The following BBS4 variants were observed in gnomAD, a reference collection of about 807,000 sequenced individuals.
BBS4 encodes BBSome complex member BBS4.
In BBS4, 58 loss-of-function variants were observed where a neutral mutation model predicts 71.4. The ratio of observed to expected loss-of-function variants is 0.81; its 90% CI spans 0.66 to 1.01. The LOEUF (loss-of-function observed/expected upper bound fraction) is 1.01, where lower values mean the gene tolerates loss of function less well. Ranked by LOEUF, BBS4 falls within the 50% of genes least tolerant of loss-of-function variation. The probability of loss-of-function intolerance (pLI) is 0.00; values close to 1 mark genes in which losing one functional copy is unlikely to be tolerated. For synonymous variants in BBS4, 228 were observed against 216.8 expected (o/e 1.05, Z -0.46); for missense variants, 660 against 607.9 (o/e 1.09, Z -0.90).
At position 72,731,474 on chromosome 15, in the gene BBS4, GTTCT is replaced by G. The variant is rs758587426; in HGVS notation, c.864+20_864+23del. The G allele has an allele frequency of 2.4e-5, 39 of 1,614,048 alleles. No individual in the cohort carries two copies. The highest frequency in any genetic ancestry group is 3.0e-5 in the Non-Finnish European group (35 of 1,180,038). ...TATGTGGCGGTGAGTGTCCCCTCATGTTCTTTGTTTGTATTTCTACATGTGGTTA... is the reference window on the plus strand; with the variant it reads ...TATGTGGCGGTGAGTGTCCCCTCATGTTGTTTGTATTTCTACATGTGGTTA... On this transcript the variant is annotated intron_variant, in intron 11 of 15. Coordinates refer to ENST00000268057, the MANE Select transcript of BBS4 (RefSeq NM_033028.5).
intron 2 of BBS4, among the ~76,000 whole-genome samples, chr15:72,698,969 A>T (rs895945276): frequency 2.6e-5 from 4 of 152,198 alleles, no homozygotes; most frequent in African/African-American, 9.7e-5. Context: ...ACAGTCTTTG[A>T]TAAGTAGTTA....
chr15:72,715,806 C>T (rs2065458557), intron 5 of BBS4, among the ~76,000 whole-genome samples: 2 of 152,206 alleles, frequency 1.3e-5, no homozygotes, highest in Non-Finnish European at 2.9e-5. Context: ...GATGGTTCAA[C>T]TTACATAATT....
intron 2 of BBS4, among the ~76,000 whole-genome samples, chr15:72,709,270 G>C (rs1037841180): frequency 6.6e-6 from 1 of 152,158 alleles, no homozygotes; most frequent in African/African-American, 2.4e-5. Context: ...GCCGGCTGAC[G>C]CTTATAGAAA....
At chr15:72,710,789 G>GTT (rs778363835) in intron 3 of BBS4, among the ~76,000 whole-genome samples, 3 of 146,592 alleles carry the variant, frequency 2.0e-5, no homozygotes, top group South Asian at 2.2e-4. Flanking sequence ...ATTCATACCA[G>GTT]TTTTTTTTTT....
chr15:72,689,605 C>T (rs907036475), intron 1 of BBS4, among the ~76,000 whole-genome samples: 7 of 151,906 alleles, frequency 4.6e-5, no homozygotes, highest in African/African-American at 4.8e-5. Flanking sequence ...TGGTGGCACG[C>T]GCCTGTCTTC....
intron 12 of BBS4, among the ~76,000 whole-genome samples, chr15:72,734,104 G>A (rs867025371): frequency 6.6e-6 from 1 of 152,102 alleles, no homozygotes; most frequent in Non-Finnish European, 1.5e-5. Context: ...ATTTTAATGG[G>A]ATTGTATTCT....
At chr15:72,731,982 T>C (rs1242590504) in intron 12 of BBS4, among the ~76,000 whole-genome samples, 1 of 152,150 alleles carries the variant, frequency 6.6e-6, no homozygotes, top group Non-Finnish European at 1.5e-5. Flanking sequence ...TTTACCAGTT[T>C]TTTCCTCTTG....
chr15:72,721,945 C>T (rs1158055235), intron 6 of BBS4, among the ~76,000 whole-genome samples: 1 of 152,232 alleles, frequency 6.6e-6, no homozygotes. Context: ...AACGCTTCAG[C>T]ATCCAAGGTA....
At position 72,736,765 on chromosome 15, in the gene BBS4, G is replaced by A; in HGVS notation, c.1252G>A (p.Val418Met). 1 of 1,614,164 alleles carries A rather than the reference G, an allele frequency of 6.2e-7. No homozygotes were observed. Among genetic ancestry groups the A allele is most frequent in the East Asian group, 2.2e-5 (1 of 44,880 alleles). The change falls in exon 15 of 16, where the codon GTG (valine) becomes ATG (methionine). Residue 418 changes from valine to methionine, a missense_variant. Coordinates refer to ENST00000268057, the MANE Select transcript of BBS4 (RefSeq NM_033028.5). ...NSSLEFDSEM[V>M]EMAQKLGAAL... Reference sequence around the variant, plus strand: ...TTACTTCCTTTGTGGACACAAGATGGTGGAGATGGCTCAGAAGTTGGGAGC... The same window carrying A: ...TTACTTCCTTTGTGGACACAAGATGATGGAGATGGCTCAGAAGTTGGGAGC...
chr15:72,732,264 A>C (rs1415849828), intron 12 of BBS4, among the ~76,000 whole-genome samples: 1 of 152,206 alleles, frequency 6.6e-6, no homozygotes, highest in African/African-American at 2.4e-5. Context: ...GATACTTCCA[A>C]GTCAAGCTAC....
chr15:72,734,703 A>C (rs907078741), intron 12 of BBS4, among the ~76,000 whole-genome samples: 1 of 152,124 alleles, frequency 6.6e-6, no homozygotes, highest in Non-Finnish European at 1.5e-5. Context: ...TTTTACTGCT[A>C]AATGAAAGTG....
chr15:72,722,925 A>G (rs1283181115), intron 7 of BBS4, 78 bp downstream of exon 7: 8 of 1,281,162 alleles, frequency 6.2e-6, no homozygotes, highest in Non-Finnish European at 1.1e-6. Context: ...ATTTGGTATT[A>G]TCCCTAGTGC....
At chr15:72,729,995 G>A (rs1374191446) in intron 10 of BBS4, among the ~76,000 whole-genome samples, 1 of 152,134 alleles carries the variant, frequency 6.6e-6, no homozygotes, top group Non-Finnish European at 1.5e-5. Flanking sequence ...ATAAATCTGC[G>A]GCCCGGCGCG....
intron 1 of BBS4, chr15:72,686,721 A>G (rs1247584450): frequency 2.0e-6 from 1 of 508,564 alleles, no homozygotes; most frequent in Non-Finnish European, 3.3e-6. Context: ...TTTGGAATTC[A>G]TCTGAAGGCT....
chr15:72,708,762 G>A (rs558629594), intron 2 of BBS4, among the ~76,000 whole-genome samples: 32 of 152,172 alleles, frequency 2.1e-4, no homozygotes, highest in Non-Finnish European at 4.0e-4. Context: ...TTCCTTGGAG[G>A]AGGTCTATAG....
At chr15:72,720,585 C>T (rs996712920) in intron 6 of BBS4, among the ~76,000 whole-genome samples, 1 of 151,960 alleles carries the variant, frequency 6.6e-6, no homozygotes, top group African/African-American at 2.4e-5. Flanking sequence ...AGTAATTCCT[C>T]CTGCCATTAT....
At chr15:72,693,172 G>A (rs932187345) in intron 1 of BBS4, among the ~76,000 whole-genome samples, 1 of 152,046 alleles carries the variant, frequency 6.6e-6, no homozygotes, top group African/African-American at 2.4e-5. Context: ...GTTTAGTTTT[G>A]TAGTTCTTAA....
chr15:72,724,238 T>C (rs372884497), intron 7 of BBS4, among the ~76,000 whole-genome samples: 1 of 152,320 alleles, frequency 6.6e-6, no homozygotes, highest in East Asian at 1.9e-4. Context: ...CCTTTTGACT[T>C]ATGAAGTATG....
Position 72,737,176 on chromosome 15 carries a change from TTGGA to T in BBS4, c.1450+217_1450+220del, listed in dbSNP as rs1158945393. The T allele has an allele frequency of 6.2e-6, 4 of 649,096 alleles. No individual in the cohort carries two copies. The African/African-American group carries it at 7.2e-5, about 12-fold the overall frequency. The allele number at this position is 649,096 out of a possible 1,614,324, so 40.2% of individuals were successfully genotyped here. A position where few individuals can be genotyped will look rare whatever the true frequency, so the allele number is the denominator to read the frequency against. Reference sequence around the variant, plus strand: ...AGGTAACAGCTACTCACAGACTTAGTTGGATGGTCTATACACTGGTCTTTCCAAT... The same window carrying T: ...AGGTAACAGCTACTCACAGACTTAGTTGGTCTATACACTGGTCTTTCCAAT... On this transcript the variant is annotated intron_variant, in intron 15 of 15. Transcript: ENST00000268057.
Sources: allele counts gnomAD v4.1 joint callset (sites outside exome capture counted in the v4.1 genomes callset), GRCh38; gene constraint gnomAD v4.1.1; transcripts MANE v1.5; gene names NCBI Gene and HGNC (gene_info 2026-07-23, HGNC 2026-07-21).